Variants in CLHC1 observed in about 807,000 individuals in gnomAD.
The protein encoded by CLHC1 is clathrin heavy chain linker domain containing 1.
A neutral mutation model predicts 69.5 loss-of-function variants in CLHC1; 72 were observed. The ratio of observed to expected loss-of-function variants is 1.04; its 90% CI spans 0.86 to 1.26. The LOEUF is 1.26. Among genes scored for constraint, CLHC1 ranks in the 50% most tolerant of loss-of-function variants. The pLI is 0.00. For synonymous variants in CLHC1, 223 were observed against 224.3 expected (o/e 0.99, Z 0.05); for missense variants, 790 against 679.3 (o/e 1.16, Z -1.81).
chr2:55,229,182 TTA>T (rs1247909719), intron 1 of CLHC1, among the ~76,000 whole-genome samples: 1 of 141,240 alleles, frequency 7.1e-6, no homozygotes, highest in Admixed American at 7.1e-5. Context: ...AAGAAAAAAA[TTA>T]TATATATATA....
At position 55,175,535 on chromosome 2, in the gene CLHC1, T is replaced by C; in HGVS notation, c.*255A>G. 2 of 445,480 alleles carry C rather than the reference T, an allele frequency of 4.5e-6. No individual in the cohort carries two copies. The highest frequency in any genetic ancestry group is 4.0e-6 in the Non-Finnish European group (1 of 249,076). 27.6% of individuals were successfully genotyped at this position (445,480 alleles called of 1,614,324 possible). ...CTTATGTCCTTAGATAAAAATGCCC[T>C]ACACTGTTTCACACAAAGTTATAAT... is the stretch of plus-strand genomic sequence containing the variant. On this transcript the variant is annotated 3_prime_UTR_variant, in exon 13 of 13. Transcript: ENST00000401408.
At chr2:55,232,381 C>G (rs1255182743), upstream of CLHC1, 1 of 279,122 alleles carries the variant, frequency 3.6e-6, no homozygotes, top group Non-Finnish European at 7.1e-6. Context: ...CTTCCATTTC[C>G]TACCTCTTCC....
chr2:55,208,934 T>G (rs922844032), intron 7 of CLHC1, among the ~76,000 whole-genome samples: 14 of 147,530 alleles, frequency 9.5e-5, no homozygotes, highest in African/African-American at 3.2e-4. Context: ...GCAGTGGCCC[T>G]ATCTTGGCTC....
intron 9 of CLHC1, among the ~76,000 whole-genome samples, chr2:55,189,190 G>A (rs985407112): frequency 2.6e-5 from 4 of 152,004 alleles, no homozygotes; most frequent in Non-Finnish European, 4.4e-5. Context: ...AAAAAGCCAA[G>A]ATAGGAGAAA....
At chr2:55,212,568 T>C (rs1422742242) in intron 5 of CLHC1, 105 bp downstream of exon 5, 7 of 870,106 alleles carry the variant, frequency 8.0e-6, no homozygotes, top group Admixed American at 2.2e-5. Context: ...CACACACACA[T>C]GTGCAAGATG....
In CLHC1 at chr2:55,209,793, T is replaced by G; in HGVS notation, c.538A>C (p.Thr180Pro). The change falls in exon 6 of 13, where the codon ACT becomes CCT. Residue 180 changes from threonine to proline, a missense_variant. Thr to Pro is a conservative substitution (Grantham distance 38). Coordinates refer to ENST00000401408, the MANE Select transcript of CLHC1 (RefSeq NM_152385.4). ...LQESMNLDAL[T>P]KYMKHLEDKY... ...TCTTCAAGATGTTTCATGTATTTAG[T>G]GAGAGCATCTAGATTCATGGATTCT... 1.2e-6 allele frequency: 2 copies of G among 1,610,860 alleles called. No homozygotes were observed. The highest frequency in any genetic ancestry group is 1.7e-6 in the Non-Finnish European group (2 of 1,177,934).
At chr2:55,205,400 TACACACAC>T (rs35508061) in intron 9 of CLHC1, among the ~76,000 whole-genome samples, 1 of 147,700 alleles carries the variant, frequency 6.8e-6, no homozygotes, top group African/African-American at 2.5e-5. Context: ...ATAAAGAAAA[TACACACAC>T]ACACACACAC....
Position 55,175,958 on chromosome 2 carries a change from A to G in CLHC1, c.1593T>C (p.Asp531=). The G allele has an allele frequency of 6.2e-7, 1 of 1,613,922 alleles. No individual in the cohort carries two copies. The change falls in exon 13 of 13, where the codon GAT becomes GAC. Residue 531 remains aspartate, a synonymous_variant. Coordinates refer to ENST00000401408, the MANE Select transcript of CLHC1 (RefSeq NM_152385.4). ...IDAVESLMIN[D]SFCSIEKWQE... Reference sequence around the variant, plus strand: ...GCCACTTTTCTATGGAGCAAAAGGAATCATTTATCATAAGACTTTCTACTG... The same window carrying G: ...GCCACTTTTCTATGGAGCAAAAGGAGTCATTTATCATAAGACTTTCTACTG...
chr2:55,188,924 T>G (rs1350923272), intron 9 of CLHC1, among the ~76,000 whole-genome samples: 3 of 152,224 alleles, frequency 2.0e-5, no homozygotes, highest in Non-Finnish European at 4.4e-5. Context: ...ATTACAAGGA[T>G]GTGATCCAGC....
In CLHC1 at chr2:55,175,495, A is replaced by G. The variant is rs1669302276; in HGVS notation, c.*295T>C. ...TCATATTACATCACCAGAAAGTAAT[A>G]TATCTGGACATTAGCTTATGTCCTT... On this transcript the variant is annotated 3_prime_UTR_variant, in exon 13 of 13. Coordinates refer to ENST00000401408, the MANE Select transcript of CLHC1 (RefSeq NM_152385.4). 6.7e-6 allele frequency: 2 copies of G among 299,574 alleles called. No individual in the cohort carries two copies. The highest frequency in any genetic ancestry group is 6.8e-5 in the South Asian group (1 of 14,806). 18.6% of individuals were successfully genotyped at this position (299,574 alleles called of 1,614,324 possible). A position where few individuals can be genotyped will look rare whatever the true frequency, so the allele number is the denominator to read the frequency against.
At chr2:55,219,260 G>A (rs1039606989) in intron 3 of CLHC1, among the ~76,000 whole-genome samples, 2 of 152,164 alleles carry the variant, frequency 1.3e-5, no homozygotes, top group African/African-American at 4.8e-5. Flanking sequence ...GTGGTATCAT[G>A]ATCAGCTCCC....
At position 55,178,917 on chromosome 2, in the gene CLHC1, A is replaced by AATT. The variant is rs67704586; in HGVS notation, c.1385-1139_1385-1137dup. Reference sequence around the variant, plus strand: ...TCAAAATCCATTTTATTTTTTAAAAAATTATTATTATTATTATTATTATTA... The same window carrying AATT: ...TCAAAATCCATTTTATTTTTTAAAAAATTATTATTATTATTATTATTATTATTA... On this transcript the variant is annotated intron_variant, in intron 11 of 12. Coordinates refer to ENST00000401408, the MANE Select transcript of CLHC1 (RefSeq NM_152385.4). Among the ~76,000 whole-genome samples, 706 of 144,404 alleles carry AATT rather than the reference A, an allele frequency of 4.9e-3. 3 individuals carry two copies. The highest frequency in any genetic ancestry group is 0.026 in the South Asian group (119 of 4,560). 94.7% of individuals were successfully genotyped at this position (144,404 alleles called of 152,430 possible).
intron 3 of CLHC1, among the ~76,000 whole-genome samples, chr2:55,220,867 C>G (rs1358339388): frequency 6.6e-6 from 1 of 152,054 alleles, no homozygotes; most frequent in African/African-American, 2.4e-5. Context: ...ACTAAAACAC[C>G]AAGAGCAATA....
At chr2:55,176,573 A>G (rs980995733) in intron 12 of CLHC1, among the ~76,000 whole-genome samples, 1 of 152,124 alleles carries the variant, frequency 6.6e-6, no homozygotes, top group Non-Finnish European at 1.5e-5. Context: ...GAAATTTAAT[A>G]TTATTTACTT....
At chr2:55,196,882 C>T (rs1671477033) in intron 9 of CLHC1, among the ~76,000 whole-genome samples, 1 of 152,200 alleles carries the variant, frequency 6.6e-6, no homozygotes, top group Admixed American at 6.5e-5. Context: ...GGAAGAGCAC[C>T]AAGCAGGCTA....
chr2:55,195,608 C>G (rs1377412608), intron 9 of CLHC1, among the ~76,000 whole-genome samples: 1 of 152,078 alleles, frequency 6.6e-6, no homozygotes, highest in Non-Finnish European at 1.5e-5. Context: ...TCGAGACCAG[C>G]CTGGCCAACA....
chr2:55,176,255 T>C (rs778081950), intron 12 of CLHC1, among the ~76,000 whole-genome samples: 3 of 152,140 alleles, frequency 2.0e-5, no homozygotes, highest in Non-Finnish European at 1.5e-5. Flanking sequence ...TCTCCACTCA[T>C]CTCCTTCTTG....
At position 55,181,617 on chromosome 2, in the gene CLHC1, T is replaced by G. The variant is rs1558447814; in HGVS notation, c.1134A>C (p.Leu378Phe). ...ALTLEGIKCG[L>F]SEKRLDLVTN... ...TAACTAAATCTAACCGTTTTTCTGA[T>G]AATCCACATTTGATTCCTTCCAGGG... Residue 378 changes from leucine (L) to phenylalanine (F), a missense_variant, in exon 10 of 13, where the codon TTA becomes TTC. By Grantham distance (22) the Leu-to-Phe change is conservative. Transcript: ENST00000401408. The G allele has an allele frequency of 6.2e-7, 1 of 1,613,350 alleles. No homozygotes were observed. The highest frequency in any genetic ancestry group is 2.2e-5 in the East Asian group (1 of 44,846).
chr2:55,201,898 T>G (rs1190536031), intron 9 of CLHC1, among the ~76,000 whole-genome samples: 1 of 152,048 alleles, frequency 6.6e-6, no homozygotes, highest in Non-Finnish European at 1.5e-5. Flanking sequence ...ATCAACAGAA[T>G]GAAGGACAAA....
Sources: allele counts gnomAD v4.1 joint callset (sites outside exome capture counted in the v4.1 genomes callset), GRCh38; gene constraint gnomAD v4.1.1; transcripts MANE v1.5; gene names NCBI Gene and HGNC (gene_info 2026-07-23, HGNC 2026-07-21).